The following CENPQ variants were observed in gnomAD, a reference collection of about 807,000 sequenced individuals.
CENPQ encodes chromosome 6 open reading frame 139.
CENPQ carries 27 observed loss-of-function variants against 36.6 expected under a neutral mutation model. That is an observed-to-expected ratio of 0.74 (90% CI 0.54 to 1.02). The LOEUF (loss-of-function observed/expected upper bound fraction) is 1.02. CENPQ is among the 50% of genes least tolerant of loss of function. The pLI is 0.00. For missense variants in CENPQ, 306 were observed against 301.8 expected (o/e 1.01, Z -0.10); for synonymous variants, 101 against 101.7 (o/e 0.99, Z 0.04).
At chr6:49,477,441 G>C (rs1768323136) in intron 5 of CENPQ, among the ~76,000 whole-genome samples, 1 of 129,718 alleles carries the variant, frequency 7.7e-6, no homozygotes, top group Non-Finnish European at 1.6e-5. Context: ...GAGGGGGAGG[G>C]ATAGAATTAG....
At chr6:49,467,300 A>G (rs541791842) in intron 1 of CENPQ, among the ~76,000 whole-genome samples, 50 of 152,358 alleles carry the variant, frequency 3.3e-4, no homozygotes, top group African/African-American at 1.0e-3. Flanking sequence ...CCCTTGTGGT[A>G]TAATACCAGG....
intron 1 of CENPQ, among the ~76,000 whole-genome samples, chr6:49,468,260 C>T (rs541119155): frequency 2.0e-5 from 3 of 151,852 alleles, no homozygotes; most frequent in East Asian, 3.9e-4. Context: ...CAGTTCCTCT[C>T]GGTGTTGGCC....
At chr6:49,490,750 A>G (rs537719644) in intron 8 of CENPQ, among the ~76,000 whole-genome samples, 36 of 152,278 alleles carry the variant, frequency 2.4e-4, no homozygotes, top group Admixed American at 7.2e-4. Context: ...CCTAATTTCA[A>G]TATCGTTGTG....
chr6:49,471,468 G>A (rs899289958), intron 3 of CENPQ, among the ~76,000 whole-genome samples: 1 of 152,096 alleles, frequency 6.6e-6, no homozygotes, highest in African/African-American at 2.4e-5. Flanking sequence ...GATTCTCTAC[G>A]TCTCCTCAGC....
At chr6:49,473,512 T>C (rs1768194979) in intron 5 of CENPQ, among the ~76,000 whole-genome samples, 1 of 152,132 alleles carries the variant, frequency 6.6e-6, no homozygotes, top group African/African-American at 2.4e-5. Context: ...AAAGAGCTTC[T>C]GAAGGAAGCA....
At chr6:49,470,622 CAAAAAAAAAAA>C (rs1199878940) in intron 2 of CENPQ, among the ~76,000 whole-genome samples, 811 of 66,432 alleles carry the variant, frequency 0.012, 11 homozygotes, top group African/African-American at 0.042. Context: ...GACTCCGTCT[CAAAAAAAAAAA>C]AAAAAAAAAA....
chr6:49,470,054 A>G, intron 1 of CENPQ, 105 bp from the exon 2 acceptor site: 1 of 514,238 alleles, frequency 1.9e-6, no homozygotes, highest in Non-Finnish European at 3.4e-6. Context: ...AAAAAAAAAG[A>G]GAATGTGGAA....
intron 1 of CENPQ, among the ~76,000 whole-genome samples, chr6:49,466,857 A>AAT (rs1768012297): frequency 6.6e-6 from 1 of 152,184 alleles, no homozygotes; most frequent in Non-Finnish European, 1.5e-5. Flanking sequence ...ATATACAGTT[A>AAT]ATTAAGTGGC....
At chr6:49,474,385 A>G (rs544134798) in intron 5 of CENPQ, among the ~76,000 whole-genome samples, 1,643 of 152,266 alleles carry the variant, frequency 0.011, 16 homozygotes, top group Non-Finnish European at 0.017. Context: ...ACTCAACTAC[A>G]TGGAAACTGA....
At chr6:49,464,921 G>A (rs944514997) in intron 1 of CENPQ, among the ~76,000 whole-genome samples, 3 of 152,138 alleles carry the variant, frequency 2.0e-5, no homozygotes, top group South Asian at 2.1e-4. Context: ...ACCTCCTCCC[G>A]TGAATCATGA....
chr6:49,492,088 T>G, intron 8 of CENPQ, 56 bp from the exon 9 acceptor site: 5 of 1,369,380 alleles, frequency 3.7e-6, no homozygotes, highest in South Asian at 1.3e-5. Context: ...AACATACATT[T>G]GAGATTTCTC....
chr6:49,472,835 C>A lies in CENPQ; in HGVS notation c.324C>A (p.Tyr108Ter). 3 of 1,448,796 alleles carry A rather than the reference C, an allele frequency of 2.1e-6. No homozygotes were observed. The highest frequency in any genetic ancestry group is 2.5e-5 in the East Asian group (1 of 40,150). The allele number at this position is 1,448,796 out of a possible 1,614,324, so 89.7% of individuals were successfully genotyped here. A position where few individuals can be genotyped will look rare whatever the true frequency, so the allele number is the denominator to read the frequency against. The change falls in exon 5 of 9, where the codon TAC (tyrosine) becomes TAA (stop). Residue 108 changes from tyrosine (Y) to a stop codon, truncating the protein, a stop_gained. Transcript: ENST00000335783. LOFTEE classifies it high-confidence loss of function. Reference protein sequence around the residue: ...NSIKEKEEIQYHLNFLKKRLL... With the variant: ...NSIKEKEEIQ ...TTAAAGAAAAAGAAGAAATACAATA[C>A]CATCTCAACTTCCTGAAGAAAAGGT... is the stretch of plus-strand genomic sequence containing the variant.
intron 6 of CENPQ, among the ~76,000 whole-genome samples, chr6:49,484,464 T>C (rs560802872): frequency 6.6e-6 from 1 of 152,174 alleles, no homozygotes. Context: ...CAAAGCAACC[T>C]TGAGGAGCTT....
At chr6:49,470,377 G>A (rs1768100417) in intron 2 of CENPQ, 99 bp downstream of exon 2, 5 of 636,046 alleles carry the variant, frequency 7.9e-6, no homozygotes, top group Non-Finnish European at 1.1e-5. Flanking sequence ...GCCGAGGTGG[G>A]TGGATCACGA....
At position 49,468,314 on chromosome 6, in the gene CENPQ, C is replaced by T. The variant is rs146032270; in HGVS notation, c.-18-1845C>T. Among the ~76,000 whole-genome samples, 510 of 151,832 alleles carry T rather than the reference C, an allele frequency of 3.4e-3. 2 individuals carry two copies. Among genetic ancestry groups the T allele is most frequent in the African/African-American group, 0.012 (477 of 41,396 alleles). The stretch of plus-strand genomic sequence containing the variant: ...CTGGGTTATAAGAGCAAGTGTTGGC[C>T]GGGCTCAGTGGCTCACGCCTGTAAT... On this transcript the variant is annotated intron_variant, in intron 1 of 8. Coordinates refer to ENST00000335783, the MANE Select transcript of CENPQ (RefSeq NM_018132.4).
chr6:49,482,357 C>T (rs978736107), intron 6 of CENPQ, among the ~76,000 whole-genome samples: 1 of 152,166 alleles, frequency 6.6e-6, no homozygotes, highest in African/African-American at 2.4e-5. Flanking sequence ...GCGAGGGCTG[C>T]AAGGGCTGCC....
At chr6:49,473,736 G>C (rs549755483) in intron 5 of CENPQ, among the ~76,000 whole-genome samples, 5 of 152,150 alleles carry the variant, frequency 3.3e-5, no homozygotes, top group Middle Eastern at 3.4e-3. Flanking sequence ...AAATTGGATA[G>C]AGTCAAAACC....
intron 5 of CENPQ, 89 bp downstream of exon 5, chr6:49,472,947 G>T: frequency 1.0e-6 from 1 of 967,338 alleles, no homozygotes; most frequent in Non-Finnish European, 1.4e-6. Flanking sequence ...CTTGTGGAAT[G>T]TAAGTTTTTC....
At chr6:49,475,098 T>C (rs1457647922) in intron 5 of CENPQ, among the ~76,000 whole-genome samples, 1 of 152,148 alleles carries the variant, frequency 6.6e-6, no homozygotes, top group Non-Finnish European at 1.5e-5. Context: ...GCTGGAACCA[T>C]TCCTTCTGAA....
Sources: allele counts gnomAD v4.1 joint callset (sites outside exome capture counted in the v4.1 genomes callset), GRCh38; gene constraint gnomAD v4.1.1; transcripts MANE v1.5; gene names NCBI Gene and HGNC (gene_info 2026-07-23, HGNC 2026-07-21).